CDH18: variants seen among roughly 807,000 people sequenced by gnomAD.
CDH18 encodes cadherin-18.
CDH18 carries 31 observed loss-of-function variants against 67.9 expected under a neutral mutation model. That is an observed-to-expected ratio of 0.46 (90% CI 0.34 to 0.62). The LOEUF is 0.62. CDH18 is among the 20% of genes least tolerant of loss of function. The pLI, the probability that CDH18 is intolerant of heterozygous loss-of-function variation, is 0.01. For missense variants in CDH18, 890 were observed against 975.5 expected (o/e 0.91, Z 1.17); for synonymous variants, 362 against 347.2 (o/e 1.04, Z -0.48).
At chr5:20,153,042 A>T (rs1447703010) in intron 2 of CDH18, among the ~76,000 whole-genome samples, 1 of 149,514 alleles carries the variant, frequency 6.7e-6, no homozygotes, top group Non-Finnish European at 1.5e-5. Context: ...TCCCAGGTTC[A>T]AGCAATTCTG....
intron 3 of CDH18, among the ~76,000 whole-genome samples, chr5:19,791,256 T>C (rs1561307470): frequency 6.6e-6 from 1 of 151,892 alleles, no homozygotes. Flanking sequence ...AATATTAATA[T>C]GTGTAAAATT....
intron 2 of CDH18, among the ~76,000 whole-genome samples, chr5:20,087,187 T>G (rs1745035876): frequency 6.6e-6 from 1 of 152,088 alleles, no homozygotes; most frequent in Non-Finnish European, 1.5e-5. Flanking sequence ...GTATTAGAAG[T>G]GAGGCCTGTA....
chr5:20,362,372 G>A (rs4342335), intron 1 of CDH18, among the ~76,000 whole-genome samples: 19,236 of 152,128 alleles, frequency 0.13, 2,038 homozygotes, highest in African/African-American at 0.28. Flanking sequence ...ATACAGCGCC[G>A]AGGAAGCATG....
At chr5:19,529,379 A>T (rs1748241808) in intron 9 of CDH18, among the ~76,000 whole-genome samples, 1 of 152,078 alleles carries the variant, frequency 6.6e-6, no homozygotes, top group South Asian at 2.1e-4. Context: ...CTTATCAGTG[A>T]ATACTGAATG....
At chr5:19,832,113 T>C (rs1420055791) in intron 3 of CDH18, among the ~76,000 whole-genome samples, 1 of 151,870 alleles carries the variant, frequency 6.6e-6, no homozygotes, top group African/African-American at 2.4e-5. Context: ...GGGGGTGAAG[T>C]AGAAAGGGGA....
intron 1 of CDH18, among the ~76,000 whole-genome samples, chr5:20,295,566 A>C: frequency 6.6e-6 from 1 of 151,942 alleles, no homozygotes; most frequent in Non-Finnish European, 1.5e-5. Context: ...GTCTCTACTA[A>C]AAATACAAAA....
intron 2 of CDH18, among the ~76,000 whole-genome samples, chr5:20,193,597 T>C (rs1163745976): frequency 6.6e-6 from 1 of 152,092 alleles, no homozygotes; most frequent in Non-Finnish European, 1.5e-5. Flanking sequence ...CAATTCATTT[T>C]ATGAAGCCAA....
At chr5:19,892,377 T>A (rs369900455) in intron 2 of CDH18, among the ~76,000 whole-genome samples, 1 of 152,152 alleles carries the variant, frequency 6.6e-6, no homozygotes, top group Non-Finnish European at 1.5e-5. Flanking sequence ...TACTTTTTCA[T>A]ATTGAGAAAG....
rs150123796 is a variant in CDH18, at chr5:19,622,452, C to T, written c.644-9851G>A. Among the ~76,000 whole-genome samples the T allele has an allele frequency of 7.2e-5, 11 of 152,260 alleles. No individual in the cohort carries two copies. In the East Asian group the frequency reaches 1.9e-3, roughly 27 times the overall value. On this transcript the variant is annotated intron_variant, in intron 5 of 12. Transcript: ENST00000382275. ...ATCTTGGCTTGAGGGATTAACGAAG[C>T]CTCCTATAAATTCTTTGACAATAGT... is the stretch of plus-strand genomic sequence containing the variant.
At chr5:19,904,509 C>T (rs1790327132) in intron 2 of CDH18, among the ~76,000 whole-genome samples, 1 of 151,810 alleles carries the variant, frequency 6.6e-6, no homozygotes. Flanking sequence ...TCTATGCCTA[C>T]CTTAGGGAAA....
chr5:20,307,217 C>G (rs1329336816), intron 1 of CDH18, among the ~76,000 whole-genome samples: 1 of 151,918 alleles, frequency 6.6e-6, no homozygotes, highest in Non-Finnish European at 1.5e-5. Context: ...GAGATGAGAT[C>G]TTTTATTCTA....
At chr5:20,243,054 G>A (rs1015820918) in intron 2 of CDH18, among the ~76,000 whole-genome samples, 8 of 152,098 alleles carry the variant, frequency 5.3e-5, no homozygotes, top group African/African-American at 1.4e-4. Context: ...TAGATATGTG[G>A]GTTAGCCCTC....
intron 5 of CDH18, among the ~76,000 whole-genome samples, chr5:19,631,096 C>T (rs1004024569): frequency 2.0e-5 from 3 of 151,630 alleles, no homozygotes; most frequent in African/African-American, 7.3e-5. Context: ...AAAGTTATTG[C>T]ATGATCTCAC....
chr5:19,697,456 G>A (rs181022940), intron 5 of CDH18, among the ~76,000 whole-genome samples: 50 of 152,208 alleles, frequency 3.3e-4, no homozygotes, highest in African/African-American at 1.0e-3. Context: ...ATTTGAATAC[G>A]TAATGTATGA....
At chr5:19,643,985 T>C (rs1009113913) in intron 5 of CDH18, among the ~76,000 whole-genome samples, 1 of 152,158 alleles carries the variant, frequency 6.6e-6, no homozygotes, top group Non-Finnish European at 1.5e-5. Flanking sequence ...TATACCTCTT[T>C]AATAAAGTTA....
intron 2 of CDH18, among the ~76,000 whole-genome samples, chr5:20,210,772 T>C (rs2099860187): frequency 1.3e-5 from 2 of 152,020 alleles, no homozygotes; most frequent in South Asian, 4.1e-4. Flanking sequence ...CATTTCTAAG[T>C]GTCTTATAAT....
chr5:20,154,616 C>T (rs1389617914), intron 2 of CDH18, among the ~76,000 whole-genome samples: 1 of 152,134 alleles, frequency 6.6e-6, no homozygotes, highest in East Asian at 1.9e-4. Context: ...GTCTGCCTCC[C>T]TCAGTCTCTG....
rs931654466 is a variant in CDH18, at chr5:20,341,819, C to CA, written c.-579-86315dup. Among the ~76,000 whole-genome samples, 536 of 145,218 alleles carry CA rather than the reference C, an allele frequency of 3.7e-3. 4 individuals are homozygous for CA. The highest frequency in any genetic ancestry group is 0.036 in the Middle Eastern group (10 of 278). On this transcript the variant is annotated intron_variant, in intron 1 of 14. Transcript: ENST00000507958. ...GATGTGAACTGTTTAGAGAGTCATG[C>CA]AAAAAAAAAATGCATATGACACTCC...
chr5:20,230,771 T>G (rs1742005334), intron 2 of CDH18, among the ~76,000 whole-genome samples: 1 of 152,170 alleles, frequency 6.6e-6, no homozygotes, highest in South Asian at 2.1e-4. Context: ...AATAGTTTTA[T>G]TTTCTATTAC....
Sources: gnomAD v4.1 joint callset for allele counts (sites outside exome capture counted in the v4.1 genomes callset) on GRCh38, gnomAD v4.1.1 for gene constraint, MANE v1.5 for transcripts, NCBI Gene and HGNC (gene_info 2026-07-23, HGNC 2026-07-21) for gene names.